The following KMT2A variants were observed in gnomAD, a reference collection of about 807,000 sequenced individuals.
The protein encoded by KMT2A is lysine methyltransferase 2A, also known as histone-lysine N-methyltransferase 2A.
KMT2A carries 16 observed loss-of-function variants against 345.3 expected under a neutral mutation model. The observed-to-expected ratio is 0.05, with a 90% CI of 0.03 to 0.07. The LOEUF is 0.07. Ranked by LOEUF, KMT2A falls within the 10% of genes least tolerant of loss-of-function variation. The pLI, the probability that KMT2A is intolerant of heterozygous loss-of-function variation, is 1.00. For missense variants in KMT2A, 3,272 were observed against 4,841.6 expected, an observed-to-expected ratio of 0.68 and a Z score of 9.62; for synonymous variants, 1,599 against 1,778.6, an observed-to-expected ratio of 0.90 and a Z score of 2.54.
In KMT2A at chr11:118,503,501, C is replaced by G. The variant is rs1460173036; in HGVS notation, c.7609C>G (p.Gln2537Glu). Residue 2537 changes from glutamine to glutamate, a missense_variant, in exon 27 of 36, where the codon CAA becomes GAA. Physicochemically the swap from Gln to Glu is conservative, Grantham distance 29 (BLOSUM62 2). This residue lies in a region of KMT2A where 445 missense variants were observed against 500.9 expected (regional missense o/e 0.89). Transcript: ENST00000534358. This position sits in a 1 kb window ranked among gnomAD's most constrained non-coding sequence, Gnocchi z 5.3. ...LTPLKMENESQSKNALKESSP... is the reference protein window; with the variant it reads ...LTPLKMENESESKNALKESSP... ...ACCTCTAAAAATGGAAAATGAGAGTCAATCCAAAAATGCCCTGAAAGAAAG... is the reference window on the plus strand; with the variant it reads ...ACCTCTAAAAATGGAAAATGAGAGTGAATCCAAAAATGCCCTGAAAGAAAG... The G allele has an allele frequency of 6.2e-7, 1 of 1,614,146 alleles. No homozygotes were observed. The highest frequency in any genetic ancestry group is 8.5e-7 in the Non-Finnish European group (1 of 1,180,024).
rs782145460 is a variant in KMT2A at position 118,499,846 on chromosome 11, A to G, written c.6091A>G (p.Ile2031Val). The G allele has an allele frequency of 5.0e-6, 8 of 1,611,166 alleles. No individual in the cohort carries two copies. Among genetic ancestry groups the G allele is most frequent in the Non-Finnish European group, 6.8e-6 (8 of 1,177,294 alleles). ...CTTTCCTTGGTCAGGGTCTATGACA[A>G]TCGACTGCTTAGGAATTCTAAATGA... is the stretch of plus-strand genomic sequence containing the variant. Reference protein sequence around the residue: ...NIHMMIGSMTIDCLGILNDLS... With the variant: ...NIHMMIGSMTVDCLGILNDLS... Residue 2031 changes from isoleucine to valine, a missense_variant, in exon 24 of 36, where the codon ATC becomes GTC. Ile to Val is a conservative substitution (Grantham distance 29, BLOSUM62 3). This residue lies in a region of KMT2A where 235 missense variants were observed against 503.4 expected (regional missense o/e 0.47). Coordinates refer to ENST00000534358, the MANE Select transcript of KMT2A (RefSeq NM_001197104.2).
At chr11:118,499,939 A>T (rs1555045197) in intron 24 of KMT2A, 26 bp downstream of exon 24, 1 of 1,497,804 alleles carries the variant, frequency 6.7e-7, no homozygotes, top group Non-Finnish European at 9.3e-7. Flanking sequence ...AAGAGAAGAG[A>T]GCAGCCCCAC....
In KMT2A at chr11:118,520,763, C is replaced by T; in HGVS notation, c.11430-39C>T. 2.0e-6 allele frequency: 3 copies of T among 1,467,466 alleles called. No individual in the cohort carries two copies. The highest frequency in any genetic ancestry group is 1.7e-5 in the Admixed American group (1 of 59,644). The allele number at this position is 1,467,466 out of a possible 1,614,324, so 90.9% of individuals were successfully genotyped here. A position where few individuals can be genotyped will look rare whatever the true frequency, so the allele number is the denominator to read the frequency against. On this transcript the variant is annotated intron_variant, in intron 33 of 35. Coordinates refer to ENST00000534358, the MANE Select transcript of KMT2A (RefSeq NM_001197104.2). The surrounding 1 kb of genome is among the most constrained non-coding windows in gnomAD (Gnocchi z 4.3). ...CGATTCAAGACTCAAAACATTATTT[C>T]CTGAAAAAAATTCGTTAATAGTATG...
chr11:118,499,288 TG>T lies in KMT2A; in HGVS notation c.5962-12del, dbSNP rs147615342. 1 of 1,523,994 alleles carries T rather than the reference TG, an allele frequency of 6.6e-7. No individual in the cohort carries two copies. Among genetic ancestry groups the T allele is most frequent in the Non-Finnish European group, 9.1e-7 (1 of 1,097,752 alleles). 94.4% of individuals were successfully genotyped at this position (1,523,994 alleles called of 1,614,324 possible). A position where few individuals can be genotyped will look rare whatever the true frequency, so the allele number is the denominator to read the frequency against. ...AGGGACAGCCTATTAACAGCTACCA[TG>T]GGTTTTATTTAAGGTGGTTCCTGAG... On this transcript the variant is annotated splice_polypyrimidine_tract_variant and intron_variant, in intron 22 of 35. Transcript: ENST00000534358.
chr11:118,520,680 A>G lies in KMT2A; in HGVS notation c.11430-122A>G, dbSNP rs1210251520. 2.9e-6 allele frequency: 2 copies of G among 696,762 alleles called. No homozygotes were observed. Among genetic ancestry groups the G allele is most frequent in the African/African-American group, 1.8e-5 (1 of 55,176 alleles). 43.2% of individuals were successfully genotyped at this position (696,762 alleles called of 1,614,324 possible). Reference sequence around the variant, plus strand: ...AAAAAAGGGGGGCGCTCATTTTATAAGGCACTCGTTCAGTTTGGCATTAAA... The same window carrying G: ...AAAAAAGGGGGGCGCTCATTTTATAGGGCACTCGTTCAGTTTGGCATTAAA... On this transcript the variant is annotated intron_variant, in intron 33 of 35. Coordinates refer to ENST00000534358, the MANE Select transcript of KMT2A (RefSeq NM_001197104.2). The surrounding 1 kb of genome is among the most constrained non-coding windows in gnomAD (Gnocchi z 4.3).
Position 118,493,001 on chromosome 11 carries a change from C to A in KMT2A, c.5005-56C>A. The A allele has an allele frequency of 1.5e-6, 2 of 1,366,162 alleles. No individual in the cohort carries two copies. The highest frequency in any genetic ancestry group is 2.1e-6 in the Non-Finnish European group (2 of 972,750). The allele number at this position is 1,366,162 out of a possible 1,614,324, so 84.6% of individuals were successfully genotyped here. On this transcript the variant is annotated intron_variant, in intron 15 of 35. Transcript: ENST00000534358. This position sits in a 1 kb window ranked among gnomAD's most constrained non-coding sequence, Gnocchi z 5.8. ...TCTTTATTAATTTTAATAGAATTTA[C>A]ATGGACACCTTGGTTTTAGTGTTAG...
chr11:118,484,420 G>A lies in KMT2A; in HGVS notation c.4218+106G>A. ...AAGAGGAAATCAGCACCAACTGGGG[G>A]AATGAATAAGAACTCCCATTAGCAG... On this transcript the variant is annotated intron_variant, in intron 9 of 35. Transcript: ENST00000534358. This position sits in a 1 kb window ranked among gnomAD's most constrained non-coding sequence, Gnocchi z 4.1. 4.3e-6 allele frequency: 5 copies of A among 1,169,568 alleles called. No homozygotes were observed. Among genetic ancestry groups the A allele is most frequent in the Non-Finnish European group, 6.1e-6 (5 of 824,780 alleles). 72.4% of individuals were successfully genotyped at this position (1,169,568 alleles called of 1,614,324 possible).
chr11:118,473,133 C>A lies in KMT2A; in HGVS notation c.1974C>A (p.Pro658=). 6.2e-7 allele frequency: 1 copy of A among 1,614,166 alleles called. No homozygotes were observed. Among genetic ancestry groups the A allele is most frequent in the Non-Finnish European group, 8.5e-7 (1 of 1,180,042 alleles). ...ATTTCCGACCCCCTCCACTAACTCCCGAGGACGTTGGCTTTGCATCTGGTT... is the reference window on the plus strand; with the variant it reads ...ATTTCCGACCCCCTCCACTAACTCCAGAGGACGTTGGCTTTGCATCTGGTT... ...FDNFRPPPLT[P]EDVGFASGFS... The change falls in exon 3 of 36, where the codon CCC becomes CCA. Residue 658 remains proline (P), a synonymous_variant. Transcript: ENST00000534358. The surrounding 1 kb of genome is among the most constrained non-coding windows in gnomAD (Gnocchi z 5.2).
chr11:118,483,413 G>A (rs989867142), intron 8 of KMT2A, among the ~76,000 whole-genome samples: 4 of 151,214 alleles, frequency 2.6e-5, no homozygotes, highest in Admixed American at 6.6e-5. Flanking sequence ...GGCGCCTGTA[G>A]TCCCAGCTAC....
rs1467632277 is a variant in KMT2A, at chr11:118,491,652, G to T, written c.4820-92G>T. ...AATCTTAATGTGGTTCCCAACATAT[G>T]GCTTTATAGTAAGTTCAGTGGAATA... is the stretch of plus-strand genomic sequence containing the variant. On this transcript the variant is annotated intron_variant, in intron 14 of 35. Transcript: ENST00000534358. This position sits in a 1 kb window ranked among gnomAD's most constrained non-coding sequence, Gnocchi z 4.2. 8.2e-6 allele frequency: 8 copies of T among 980,436 alleles called. No homozygotes were observed. The highest frequency in any genetic ancestry group is 1.2e-5 in the Non-Finnish European group (8 of 665,330). The allele number at this position is 980,436 out of a possible 1,614,324, so 60.7% of individuals were successfully genotyped here.
chr11:118,489,608 G>A (rs1555041923), intron 11 of KMT2A, among the ~76,000 whole-genome samples, 184 bp from the exon 12 acceptor site: 1 of 152,194 alleles, frequency 6.6e-6, no homozygotes, highest in East Asian at 1.9e-4. Context: ...ATCACTGAGT[G>A]CCTTTGGCAG....
At position 118,505,436 on chromosome 11, in the gene KMT2A, A is replaced by G; in HGVS notation, c.9544A>G (p.Asn3182Asp). The G allele has an allele frequency of 6.2e-7, 1 of 1,614,114 alleles. No homozygotes were observed. Among genetic ancestry groups the G allele is most frequent in the Non-Finnish European group, 8.5e-7 (1 of 1,180,028 alleles). ...AAGTAGTTTCCCACCAAACATCAGC[A>G]ATCCTCCTTCAGGCCTGCTTATTGG... is the stretch of plus-strand genomic sequence containing the variant. ...TQSSFPPNIS[N>D]PPSGLLIGVQ... Residue 3182 changes from asparagine (N) to aspartate (D), a missense_variant, in exon 27 of 36, where the codon AAT becomes GAT. Around this residue, in one of 27 missense-constraint regions of KMT2A, gnomAD observed 748 missense variants for 922.2 expected, o/e 0.81. Coordinates refer to ENST00000534358, the MANE Select transcript of KMT2A (RefSeq NM_001197104.2). The surrounding 1 kb of genome is among the most constrained non-coding windows in gnomAD (Gnocchi z 4.6).
At chr11:118,461,848 C>T (rs1389873112) in intron 1 of KMT2A, among the ~76,000 whole-genome samples, 2 of 152,178 alleles carry the variant, frequency 1.3e-5, no homozygotes, top group Non-Finnish European at 2.9e-5. Context: ...TTGTTTCCAA[C>T]CTCCAGGGAT....
chr11:118,445,789 G>A (rs1008212996), intron 1 of KMT2A, among the ~76,000 whole-genome samples: 1 of 152,214 alleles, frequency 6.6e-6, no homozygotes, highest in Non-Finnish European at 1.5e-5. Flanking sequence ...GATTGCCTGA[G>A]GTCAGGAGTT....
At chr11:118,481,162 GTACTATCAAA>G (rs1405615322) in intron 6 of KMT2A, among the ~76,000 whole-genome samples, 2 of 151,870 alleles carry the variant, frequency 1.3e-5, no homozygotes, top group African/African-American at 4.8e-5. Flanking sequence ...TCACCCTGTT[GTACTATCAAA>G]TACTAGATCT....
In KMT2A at chr11:118,480,153, GT is replaced by G; in HGVS notation, c.3570-18del. 2 of 1,595,248 alleles carry G rather than the reference GT, an allele frequency of 1.3e-6. No individual in the cohort carries two copies. Among genetic ancestry groups the G allele is most frequent in the Non-Finnish European group, 1.7e-6 (2 of 1,163,300 alleles). ...TCTTCTAAATTTAATTTGTTTCATG[GT>G]TTATTCGTTGTTTTCCTAGGATGAG... is the stretch of plus-strand genomic sequence containing the variant. On this transcript the variant is annotated intron_variant, in intron 5 of 35. Coordinates refer to ENST00000534358, the MANE Select transcript of KMT2A (RefSeq NM_001197104.2).
At position 118,476,420 on chromosome 11, in the gene KMT2A, A is replaced by G. The variant is rs1431313500; in HGVS notation, c.3157-385A>G. Among the ~76,000 whole-genome samples, 1 of 151,998 alleles carries G rather than the reference A, an allele frequency of 6.6e-6. No individual in the cohort carries two copies. Among genetic ancestry groups the G allele is most frequent in the East Asian group, 1.9e-4 (1 of 5,146 alleles). ...AAGATAGGGTCTCACTCTGTCACCC[A>G]GGGTGGCTCAAGTGATCCTCTTGTC... On this transcript the variant is annotated intron_variant, in intron 3 of 35. Transcript: ENST00000534358. This position sits in a 1 kb window ranked among gnomAD's most constrained non-coding sequence, Gnocchi z 4.1.
rs187278291 is a variant in KMT2A, at chr11:118,476,357, A to G, written c.3157-448A>G. ...TTTGAGGGGAATTTAAAATAGTAGT[A>G]TAATTGGGAATAGAAGCTTAGTTGT... On this transcript the variant is annotated intron_variant, in intron 3 of 35. Coordinates refer to ENST00000534358, the MANE Select transcript of KMT2A (RefSeq NM_001197104.2). This position sits in a 1 kb window ranked among gnomAD's most constrained non-coding sequence, Gnocchi z 4.1. 2.9e-4 allele frequency among the ~76,000 whole-genome samples: 44 copies of G among 152,334 alleles called. No individual in the cohort carries two copies. The Middle Eastern group carries it at 0.01, about 35-fold the overall frequency.
rs200372591 is a variant in KMT2A, at chr11:118,498,571, T to C, written c.5961+43T>C. 576 of 1,516,268 alleles carry C rather than the reference T, an allele frequency of 3.8e-4. No individual in the cohort carries two copies. The highest frequency in any genetic ancestry group is 4.1e-4 in the Non-Finnish European group (458 of 1,122,678). The allele number at this position is 1,516,268 out of a possible 1,614,324, so 93.9% of individuals were successfully genotyped here. ...GCTTTAAAAAAAAAAAAAAAGACTTTTTTAGAGCAGTTTTAGGTTCACAGC... is the reference window on the plus strand; with the variant it reads ...GCTTTAAAAAAAAAAAAAAAGACTTCTTTAGAGCAGTTTTAGGTTCACAGC... On this transcript the variant is annotated intron_variant, in intron 22 of 35. Transcript: ENST00000534358. The surrounding 1 kb of genome is among the most constrained non-coding windows in gnomAD (Gnocchi z 4.4).
Sources: gnomAD v4.1 joint callset for allele counts (sites outside exome capture counted in the v4.1 genomes callset) on GRCh38, gnomAD v4.1.1 for gene constraint, gnomAD v4.1.1 regional missense constraint, Gnocchi (gnomAD v3.1) non-coding constraint, MANE v1.5 for transcripts, NCBI Gene and HGNC (gene_info 2026-07-23, HGNC 2026-07-21) for gene names.